Variants in ITGAV observed in about 807,000 individuals in gnomAD.
The protein encoded by ITGAV is integrin alpha-V.
A neutral mutation model predicts 143.8 loss-of-function variants in ITGAV; 76 were observed. The observed-to-expected ratio is 0.53, with a 90% CI of 0.44 to 0.64. ITGAV has a LOEUF of 0.64. Among genes scored for constraint, ITGAV ranks in the 30% least tolerant of loss-of-function variants. ITGAV has a pLI of 0.00. For synonymous variants in ITGAV, 453 were observed against 446.7 expected, an observed-to-expected ratio of 1.01 and a Z score of -0.18; for missense variants, 1,193 against 1,274.7, an observed-to-expected ratio of 0.94 and a Z score of 0.98.
At chr2:186,627,882 C>G (rs937456108) in intron 4 of ITGAV, among the ~76,000 whole-genome samples, 1 of 152,166 alleles carries the variant, frequency 6.6e-6, no homozygotes, top group African/African-American at 2.4e-5. Flanking sequence ...GCCTTTGTTT[C>G]TAATAGGCCT....
At chr2:186,642,545 T>C (rs1574485622) in intron 12 of ITGAV, among the ~76,000 whole-genome samples, 2 of 149,458 alleles carry the variant, frequency 1.3e-5, no homozygotes, top group African/African-American at 4.9e-5. Flanking sequence ...CTTTTTTTTT[T>C]TTTTTTTGAG....
chr2:186,631,251 T>C (rs1345466699), intron 5 of ITGAV, among the ~76,000 whole-genome samples: 1 of 152,206 alleles, frequency 6.6e-6, no homozygotes, highest in Non-Finnish European at 1.5e-5. Flanking sequence ...AAATTAGAGT[T>C]ACATAAAAGC....
At chr2:186,646,199 C>A (rs536136701) in intron 12 of ITGAV, among the ~76,000 whole-genome samples, 2 of 152,168 alleles carry the variant, frequency 1.3e-5, no homozygotes, top group South Asian at 4.2e-4. Flanking sequence ...TCACAACTTA[C>A]GAATTTCTGA....
At chr2:186,635,667 C>G (rs1299200736) in intron 6 of ITGAV, among the ~76,000 whole-genome samples, 1 of 152,068 alleles carries the variant, frequency 6.6e-6, no homozygotes, top group Non-Finnish European at 1.5e-5. Context: ...CAGGTTGTTT[C>G]CTAAAGATGT....
intron 1 of ITGAV, among the ~76,000 whole-genome samples, chr2:186,600,659 C>T (rs534989560): frequency 6.9e-6 from 1 of 144,724 alleles, no homozygotes; most frequent in Non-Finnish European, 1.5e-5. Flanking sequence ...CTAAATTCCT[C>T]CATTAAGAGC....
At chr2:186,662,160 C>G (rs534486717) in intron 18 of ITGAV, among the ~76,000 whole-genome samples, 2 of 152,084 alleles carry the variant, frequency 1.3e-5, no homozygotes, top group Non-Finnish European at 2.9e-5. Context: ...ATCTAACATT[C>G]TAACTGGGAA....
chr2:186,654,104 G>C (rs751505228), intron 15 of ITGAV, among the ~76,000 whole-genome samples: 10 of 152,082 alleles, frequency 6.6e-5, no homozygotes, highest in Admixed American at 1.3e-4. Flanking sequence ...AGACCAAGGC[G>C]GGCGAATCAC....
At chr2:186,613,942 A>G in intron 2 of ITGAV, among the ~76,000 whole-genome samples, 1 of 152,048 alleles carries the variant, frequency 6.6e-6, no homozygotes, top group Non-Finnish European at 1.5e-5. Flanking sequence ...TCAGTGCTTA[A>G]AAAAAGAAGG....
chr2:186,664,765 A>G (rs1559066458), intron 20 of ITGAV, 124 bp downstream of exon 20: 3 of 1,122,318 alleles, frequency 2.7e-6, no homozygotes, highest in African/African-American at 1.6e-5. Context: ...TTGATAGACA[A>G]TGGAGTGCCT....
rs1017256841 is a variant in ITGAV, at chr2:186,664,713, A to G, written c.2073+72A>G. ...ATTAACATTAATGAGCTGTTCCCCT[A>G]TTTAGTGAAGCACAAGCTTAGCTAT... On this transcript the variant is annotated intron_variant, in intron 20 of 29. Transcript: ENST00000261023. 16 of 1,572,462 alleles carry G rather than the reference A, an allele frequency of 1.0e-5. No homozygotes were observed. In the East Asian group the frequency reaches 1.1e-4, roughly 11 times the overall value.
At chr2:186,622,724 T>C (rs1283893364) in intron 3 of ITGAV, among the ~76,000 whole-genome samples, 1 of 152,192 alleles carries the variant, frequency 6.6e-6, no homozygotes, top group Admixed American at 6.5e-5. Context: ...AGTGTGGCTT[T>C]GGCTAACAAG....
At chr2:186,614,976 T>C (rs1306335301) in intron 2 of ITGAV, among the ~76,000 whole-genome samples, 2 of 152,092 alleles carry the variant, frequency 1.3e-5, no homozygotes, top group African/African-American at 4.8e-5. Context: ...CATCTCCATT[T>C]ACCCTAAAAA....
At chr2:186,623,185 A>G (rs930772280) in intron 3 of ITGAV, among the ~76,000 whole-genome samples, 13 of 152,222 alleles carry the variant, frequency 8.5e-5, no homozygotes, top group African/African-American at 2.9e-4. Flanking sequence ...GTAGTTCTTT[A>G]CTTCACATTC....
At chr2:186,660,264 T>C (rs575242385) in intron 18 of ITGAV, among the ~76,000 whole-genome samples, 1 of 152,330 alleles carries the variant, frequency 6.6e-6, no homozygotes, top group East Asian at 1.9e-4. Flanking sequence ...TAAAACCAGC[T>C]AATCAAGTAG....
At position 186,607,159 on chromosome 2, in the gene ITGAV, A is replaced by G. The variant is rs773802815; in HGVS notation, c.316+5008A>G. ...TAATACATTCCAGGGGTGATCACGA[A>G]GAGTATAAATTGGTTAGTTTATTTA... On this transcript the variant is annotated intron_variant, in intron 2 of 29. Coordinates refer to ENST00000261023, the MANE Select transcript of ITGAV (RefSeq NM_002210.5). Among the ~76,000 whole-genome samples, 94 of 152,244 alleles carry G rather than the reference A, an allele frequency of 6.2e-4. 1 individual carries two copies. Among genetic ancestry groups the G allele is most frequent in the Non-Finnish European group, 1.2e-3 (81 of 68,010 alleles).
intron 4 of ITGAV, among the ~76,000 whole-genome samples, chr2:186,628,538 G>T (rs1301862843): frequency 1.3e-5 from 2 of 152,034 alleles, no homozygotes; most frequent in Non-Finnish European, 2.9e-5. Flanking sequence ...ATTACTTGGG[G>T]AAATTAAGTA....
intron 12 of ITGAV, among the ~76,000 whole-genome samples, chr2:186,642,913 A>T (rs1688148747): frequency 6.6e-6 from 1 of 152,176 alleles, no homozygotes; most frequent in Non-Finnish European, 1.5e-5. Context: ...TTTTTACCAC[A>T]AAGAGAACTT....
intron 3 of ITGAV, among the ~76,000 whole-genome samples, chr2:186,625,099 G>T (rs1159324735): frequency 5.9e-5 from 9 of 152,170 alleles, no homozygotes; most frequent in Non-Finnish European, 4.4e-5. Context: ...AGTTGGCCAG[G>T]TGTGGTAGGT....
chr2:186,625,709 T>C (rs1574475076), intron 4 of ITGAV, 122 bp downstream of exon 4: 1 of 486,328 alleles, frequency 2.1e-6, no homozygotes, highest in South Asian at 4.4e-5. Context: ...GATATAGACA[T>C]ATTATGATGA....
Sources: allele counts gnomAD v4.1 joint callset (sites outside exome capture counted in the v4.1 genomes callset), GRCh38; gene constraint gnomAD v4.1.1; transcripts MANE v1.5; gene names NCBI Gene and HGNC (gene_info 2026-07-23, HGNC 2026-07-21).